Variants in HMCN1 observed in about 807,000 individuals in gnomAD.
HMCN1 encodes the protein hemicentin 1, also known as hemicentin-1.
In HMCN1, 321 loss-of-function variants were observed where a neutral mutation model predicts 625.9. The observed-to-expected ratio is 0.51, with a 90% CI of 0.47 to 0.56. HMCN1 has a LOEUF of 0.56. HMCN1 is among the 20% of genes least tolerant of loss of function. The pLI is 0.00. For missense variants in HMCN1, 6,588 were observed against 6,887.3 expected (o/e 0.96, Z 1.54); for synonymous variants, 2,425 against 2,417.6 (o/e 1.00, Z -0.09).
intron 25 of HMCN1, among the ~76,000 whole-genome samples, chr1:185,998,754 T>A (rs1293968978): frequency 1.3e-5 from 2 of 152,214 alleles, no homozygotes; most frequent in Non-Finnish European, 2.9e-5. Flanking sequence ...TATCTTTTAC[T>A]ATGATTTTCA....
Position 186,053,936 on chromosome 1 carries a change from C to T in HMCN1, c.6812C>T (p.Ala2271Val), listed in dbSNP as rs747638841. 7 of 1,612,462 alleles carry T rather than the reference C, an allele frequency of 4.3e-6. No homozygotes were observed. The highest frequency in any genetic ancestry group is 1.3e-5 in the African/African-American group (1 of 74,810). Residue 2271 changes from alanine to valine, a missense_variant, in exon 44 of 107, where the codon GCG (alanine) becomes GTG (valine). By Grantham distance (64) the Ala-to-Val change is moderately conservative. Around this residue, in one of 3 missense-constraint regions of HMCN1, gnomAD observed 4,628 missense variants for 4,853.1 expected, o/e 0.95. Transcript: ENST00000271588. Reference sequence around the variant, plus strand: ...GATGCAGCACTCTATTCATGTGTGGCGTCGAATGTTGCTGGGACTGCAAAG... The same window carrying T: ...GATGCAGCACTCTATTCATGTGTGGTGTCGAATGTTGCTGGGACTGCAAAG... Reference protein sequence around the residue: ...KSDAALYSCVASNVAGTAKKE... With the variant: ...KSDAALYSCVVSNVAGTAKKE...
chr1:185,888,840 G>A (rs1043002470), intron 4 of HMCN1, among the ~76,000 whole-genome samples: 7 of 146,474 alleles, frequency 4.8e-5, no homozygotes, highest in African/African-American at 1.9e-4. Flanking sequence ...TTCCAATTCT[G>A]TGAAGAAAGG....
chr1:185,817,360 T>C (rs983780259), intron 1 of HMCN1, among the ~76,000 whole-genome samples: 2 of 152,032 alleles, frequency 1.3e-5, no homozygotes, highest in Non-Finnish European at 2.9e-5. Flanking sequence ...GCCTCCAGGT[T>C]GATGGGACAG....
chr1:185,937,091 G>C (rs1179082316), intron 11 of HMCN1, among the ~76,000 whole-genome samples: 1 of 152,226 alleles, frequency 6.6e-6, no homozygotes, highest in Non-Finnish European at 1.5e-5. Context: ...GGAATACTTA[G>C]AAGAAATGGA....
intron 1 of HMCN1, among the ~76,000 whole-genome samples, chr1:185,804,453 A>G (rs1156474815): frequency 1.3e-5 from 2 of 152,100 alleles, no homozygotes; most frequent in African/African-American, 2.4e-5. Flanking sequence ...TTCACTGACT[A>G]AAGGAAAAGG....
chr1:185,901,940 G>C (rs189002876), intron 4 of HMCN1, among the ~76,000 whole-genome samples: 7 of 151,870 alleles, frequency 4.6e-5, no homozygotes, highest in South Asian at 2.1e-4. Flanking sequence ...TACATGTCAA[G>C]TATAAACCAG....
At chr1:185,776,066 C>T (rs139952971) in intron 1 of HMCN1, among the ~76,000 whole-genome samples, 192 of 152,324 alleles carry the variant, frequency 1.3e-3, no homozygotes, top group African/African-American at 4.4e-3. Flanking sequence ...AATCATGGCT[C>T]AGAGCATACA....
chr1:185,961,623 GATTA>G, intron 11 of HMCN1, among the ~76,000 whole-genome samples: 1 of 152,282 alleles, frequency 6.6e-6, no homozygotes, highest in Non-Finnish European at 1.5e-5. Context: ...CTTCTTTGAA[GATTA>G]ATTCTTATTG....
At chr1:185,891,645 C>G (rs1354619220) in intron 4 of HMCN1, among the ~76,000 whole-genome samples, 2 of 148,046 alleles carry the variant, frequency 1.4e-5, no homozygotes, top group African/African-American at 5.3e-5. Context: ...GGCCCCCACT[C>G]TCTTCTGGCT....
At chr1:185,987,606 T>A (rs1652088693) in intron 20 of HMCN1, 62 bp downstream of exon 20, 1 of 1,116,082 alleles carries the variant, frequency 9.0e-7, no homozygotes, top group Admixed American at 1.7e-5. Flanking sequence ...CTGCAAGTTA[T>A]CCCTAGTCTT....
rs1468012804 is a variant in HMCN1 at position 185,994,829 on chromosome 1, C to T, written c.3520C>T (p.Gln1174Ter). The change falls in exon 24 of 107, where the codon CAG becomes TAG. Residue 1174 changes from glutamine to a stop codon, truncating the protein, a stop_gained. Coordinates refer to ENST00000271588, the MANE Select transcript of HMCN1 (RefSeq NM_031935.3). LOFTEE classifies it high-confidence loss of function. Reference sequence around the variant, plus strand: ...ATTATTTCTAGTTCCTCCAAAGATACAGCGTGGACCTAAACATCTCAAAGT... The same window carrying T: ...ATTATTTCTAGTTCCTCCAAAGATATAGCGTGGACCTAAACATCTCAAAGT... Reference protein sequence around the residue: ...KLNVHVPPKIQRGPKHLKVQV... With the variant: ...KLNVHVPPKI The T allele has an allele frequency of 2.5e-6, 4 of 1,613,368 alleles. No homozygotes were observed. In the Admixed American group the frequency reaches 5.0e-5, roughly 20 times the overall value.
chr1:185,869,108 A>C (rs1269193366), intron 4 of HMCN1, among the ~76,000 whole-genome samples: 4 of 152,190 alleles, frequency 2.6e-5, no homozygotes, highest in Non-Finnish European at 5.9e-5. Context: ...AAGGAATTTT[A>C]GCTAGGAGTA....
chr1:186,003,835 A>G lies in HMCN1; in HGVS notation c.4466A>G (p.Lys1489Arg). The G allele has an allele frequency of 6.2e-7, 1 of 1,613,268 alleles. No homozygotes were observed. Residue 1489 changes from lysine to arginine, a missense_variant, in exon 29 of 107, where the codon AAA becomes AGA. Lys to Arg is a conservative substitution (Grantham distance 26). Transcript: ENST00000271588. ...GTPFPDIHWFKDGKPLFLGDP... is the reference protein window; with the variant it reads ...GTPFPDIHWFRDGKPLFLGDP... ...CCCTTTCCTGATATTCATTGGTTCA[A>G]AGATGGCAAGTGAGTATCTTTTCTG...
chr1:186,086,630 A>G (rs1409868021), intron 58 of HMCN1, among the ~76,000 whole-genome samples: 1 of 152,126 alleles, frequency 6.6e-6, no homozygotes, highest in Non-Finnish European at 1.5e-5. Context: ...AAGAAATGAT[A>G]AAATTTAGAA....
At chr1:185,895,801 A>G (rs1010578836) in intron 4 of HMCN1, among the ~76,000 whole-genome samples, 4 of 152,210 alleles carry the variant, frequency 2.6e-5, no homozygotes. Flanking sequence ...TTACATTGTC[A>G]TTGGGTAAAG....
At chr1:185,845,033 G>T (rs1043210243) in intron 1 of HMCN1, among the ~76,000 whole-genome samples, 2 of 152,198 alleles carry the variant, frequency 1.3e-5, no homozygotes, top group African/African-American at 2.4e-5. Flanking sequence ...TGGAAGAAGT[G>T]ATTTTGTGTA....
At chr1:185,826,993 A>G (rs1660555659) in intron 1 of HMCN1, among the ~76,000 whole-genome samples, 2 of 151,774 alleles carry the variant, frequency 1.3e-5, no homozygotes, top group African/African-American at 4.8e-5. Flanking sequence ...TGGCTGACAC[A>G]GTGAAACCTT....
intron 4 of HMCN1, among the ~76,000 whole-genome samples, chr1:185,868,355 C>T (rs1178642096): frequency 6.6e-6 from 1 of 152,078 alleles, no homozygotes; most frequent in East Asian, 1.9e-4. Flanking sequence ...CCCCCACTGC[C>T]CCCCAATCAG....
intron 9 of HMCN1, 52 bp downstream of exon 9, chr1:185,925,243 T>C (rs376463331): frequency 7.4e-5 from 112 of 1,510,764 alleles, no homozygotes; most frequent in Non-Finnish European, 9.9e-5. Flanking sequence ...CATGTAAATA[T>C]AAATAGACTA....
Sources: gnomAD v4.1 joint callset for allele counts (sites outside exome capture counted in the v4.1 genomes callset) on GRCh38, gnomAD v4.1.1 for gene constraint, gnomAD v4.1.1 regional missense constraint, MANE v1.5 for transcripts, NCBI Gene and HGNC (gene_info 2026-07-23, HGNC 2026-07-21) for gene names.